TNFRSF8: variants seen among roughly 807,000 people sequenced by gnomAD.
The protein encoded by TNFRSF8 is tumor necrosis factor receptor superfamily member 8.
TNFRSF8 carries 26 observed loss-of-function variants against 70.8 expected under a neutral mutation model. The observed-to-expected ratio is 0.37, with a 90% CI of 0.27 to 0.51. The LOEUF is 0.51. Among genes scored for constraint, TNFRSF8 ranks in the 20% least tolerant of loss-of-function variants. The pLI, the probability that TNFRSF8 is intolerant of heterozygous loss-of-function variation, is 0.94. For synonymous variants in TNFRSF8, 356 were observed against 339.2 expected (o/e 1.05, Z -0.54); for missense variants, 720 against 807.9 (o/e 0.89, Z 1.32).
intron 9 of TNFRSF8, 24 bp from the exon 10 acceptor site, chr1:12,123,691 C>T (rs375406660): frequency 5.8e-6 from 9 of 1,541,188 alleles, no homozygotes; most frequent in Admixed American, 2.0e-5. Context: ...CTTCATCACT[C>T]CTGCCTTGGG....
intron 1 of TNFRSF8, among the ~76,000 whole-genome samples, chr1:12,068,120 T>C (rs570056664): frequency 1.3e-5 from 2 of 152,288 alleles, no homozygotes; most frequent in South Asian, 4.1e-4. Context: ...CTTGAGCAGA[T>C]TGTGATTCAT....
In TNFRSF8 at chr1:12,142,592, A is replaced by G; in HGVS notation, c.*61A>G. 1 of 1,525,658 alleles carries G rather than the reference A, an allele frequency of 6.6e-7. No homozygotes were observed. Among genetic ancestry groups the G allele is most frequent in the Non-Finnish European group, 8.8e-7 (1 of 1,133,194 alleles). 94.5% of individuals were successfully genotyped at this position (1,525,658 alleles called of 1,614,324 possible). On this transcript the variant is annotated 3_prime_UTR_variant, in exon 15 of 15. Transcript: ENST00000263932. This position sits in a 1 kb window ranked among gnomAD's most constrained non-coding sequence, Gnocchi z 5.0. ...GTGGCCTCTGGGAGGCCAGGATGGC[A>G]CTGTTGGCACCGAGGTTGGGGGCAG...
At chr1:12,082,601 A>G (rs1221756396) in intron 1 of TNFRSF8, among the ~76,000 whole-genome samples, 1 of 151,902 alleles carries the variant, frequency 6.6e-6, no homozygotes, top group African/African-American at 2.4e-5. Flanking sequence ...AAAAACCCAC[A>G]AAACAAAAAC....
At chr1:12,117,528 A>G (rs1641755212) in intron 8 of TNFRSF8, among the ~76,000 whole-genome samples, 1 of 152,126 alleles carries the variant, frequency 6.6e-6, no homozygotes, top group Admixed American at 6.5e-5. Context: ...ACACCCCATC[A>G]CCCTGAAATG....
chr1:12,143,428 C>T lies in TNFRSF8; in HGVS notation c.*897C>T, dbSNP rs546387260. 13 of 152,362 alleles carry T rather than the reference C, an allele frequency of 8.5e-5. No homozygotes were observed. Among genetic ancestry groups the T allele is most frequent in the South Asian group, 4.2e-4 (2 of 4,814 alleles). 9.4% of individuals were successfully genotyped at this position (152,362 alleles called of 1,614,324 possible). A position where few individuals can be genotyped will look rare whatever the true frequency, so the allele number is the denominator to read the frequency against. ...TCGGGCCCTGCCTGGAGTCCTTGAC[C>T]GCTCTCTGTGGGCCCCACCCACTCT... is the stretch of plus-strand genomic sequence containing the variant. On this transcript the variant is annotated 3_prime_UTR_variant, in exon 15 of 15. Coordinates refer to ENST00000263932, the MANE Select transcript of TNFRSF8 (RefSeq NM_001243.5). The surrounding 1 kb of genome is among the most constrained non-coding windows in gnomAD (Gnocchi z 4.1).
intron 8 of TNFRSF8, among the ~76,000 whole-genome samples, chr1:12,121,156 C>T (rs1440997726): frequency 6.6e-6 from 1 of 152,174 alleles, no homozygotes; most frequent in Admixed American, 6.5e-5. Context: ...TACTGATTAA[C>T]GAGCATGTAG....
intron 7 of TNFRSF8, among the ~76,000 whole-genome samples, chr1:12,114,315 A>C (rs780946580): frequency 6.6e-6 from 1 of 152,212 alleles, no homozygotes; most frequent in Non-Finnish European, 1.5e-5. Context: ...CTACTGTCTC[A>C]CACATACTCA....
Position 12,108,015 on chromosome 1 carries a change from T to C in TNFRSF8, c.422-1551T>C, listed in dbSNP as rs919637709. On this transcript the variant is annotated intron_variant, in intron 4 of 14. Coordinates refer to ENST00000263932, the MANE Select transcript of TNFRSF8 (RefSeq NM_001243.5). This position sits in a 1 kb window ranked among gnomAD's most constrained non-coding sequence, Gnocchi z 4.0. ...TGCCACAGAACACGAGAGGTCAGCA[T>C]TGCTCGCGCTCACCTCCACGGAAAG... Among the ~76,000 whole-genome samples the C allele has an allele frequency of 1.3e-5, 2 of 151,818 alleles. No individual in the cohort carries two copies. Among genetic ancestry groups the C allele is most frequent in the Non-Finnish European group, 2.9e-5 (2 of 67,962 alleles).
At chr1:12,111,702 C>A (rs1345709369) in intron 6 of TNFRSF8, among the ~76,000 whole-genome samples, 196 bp from the exon 7 acceptor site, 1 of 152,130 alleles carries the variant, frequency 6.6e-6, no homozygotes, top group Non-Finnish European at 1.5e-5. Flanking sequence ...GCAATGAGTA[C>A]CCTCCTCTCG....
chr1:12,089,494 C>T (rs1641210289), intron 2 of TNFRSF8, among the ~76,000 whole-genome samples: 1 of 152,106 alleles, frequency 6.6e-6, no homozygotes, highest in South Asian at 2.1e-4. Context: ...TTCTTTAAGC[C>T]TGAAAAATCC....
intron 14 of TNFRSF8, among the ~76,000 whole-genome samples, chr1:12,140,894 C>G (rs1174924624): frequency 1.3e-5 from 2 of 152,020 alleles, no homozygotes; most frequent in Non-Finnish European, 2.9e-5. Flanking sequence ...CTCTCACCAC[C>G]CCCGGCCCCC....
chr1:12,104,418 C>T lies in TNFRSF8; in HGVS notation c.308C>T (p.Ser103Phe). 1 of 1,614,144 alleles carries T rather than the reference C, an allele frequency of 6.2e-7. No homozygotes were observed. The highest frequency in any genetic ancestry group is 8.5e-7 in the Non-Finnish European group (1 of 1,180,026). ...VEKTPCAWNS[S>F]RVCECRPGMF... Reference sequence around the variant, plus strand: ...AAGACGCCGTGTGCATGGAACTCCTCCCGTGTCTGCGAATGTCGACCCGGC... The same window carrying T: ...AAGACGCCGTGTGCATGGAACTCCTTCCGTGTCTGCGAATGTCGACCCGGC... The change falls in exon 4 of 15, where the codon TCC becomes TTC. Residue 103 changes from serine (S) to phenylalanine (F), a missense_variant. Transcript: ENST00000263932.
chr1:12,123,648 A>C, intron 9 of TNFRSF8, 67 bp from the exon 10 acceptor site: 1 of 1,353,766 alleles, frequency 7.4e-7, no homozygotes, highest in Non-Finnish European at 1.0e-6. Flanking sequence ...GAGAAAGGGA[A>C]TTATTCCTGA....
chr1:12,124,881 AC>A (rs1641906605), intron 10 of TNFRSF8, among the ~76,000 whole-genome samples: 1 of 149,342 alleles, frequency 6.7e-6, no homozygotes, highest in Non-Finnish European at 1.5e-5. Context: ...AACAAAACAA[AC>A]AAAACCCCCA....
Position 12,134,691 on chromosome 1 carries a change from G to A in TNFRSF8, c.1310-897G>A, listed in dbSNP as rs185842003. ...CAGGCACAAGAAAGAGAAAATCGAAGTCCAGCTGGAGTCAGAAGGGCTCCA... is the reference window on the plus strand; with the variant it reads ...CAGGCACAAGAAAGAGAAAATCGAAATCCAGCTGGAGTCAGAAGGGCTCCA... On this transcript the variant is annotated intron_variant, in intron 12 of 14. Transcript: ENST00000263932. Among the ~76,000 whole-genome samples the A allele has an allele frequency of 5.3e-5, 8 of 152,342 alleles. No homozygotes were observed. In the East Asian group the frequency reaches 1.5e-3, roughly 29 times the overall value.
intron 1 of TNFRSF8, among the ~76,000 whole-genome samples, chr1:12,076,004 A>T (rs564776849): frequency 7.2e-5 from 11 of 152,040 alleles, no homozygotes; most frequent in African/African-American, 2.7e-4. Context: ...AAAAGCTCCC[A>T]TCCCAGAACC....
chr1:12,135,656 A>G, intron 13 of TNFRSF8, 43 bp downstream of exon 13: 1 of 1,611,436 alleles, frequency 6.2e-7, no homozygotes, highest in Admixed American at 1.7e-5. Flanking sequence ...TCGTGCCCCT[A>G]AATCTGACTC....
intron 8 of TNFRSF8, 51 bp downstream of exon 8, chr1:12,115,780 C>T (rs768879885): frequency 1.6e-5 from 26 of 1,591,322 alleles, no homozygotes; most frequent in Admixed American, 1.7e-5. Flanking sequence ...TCTGTGCCCC[C>T]ACTGTTGTGC....
intron 1 of TNFRSF8, among the ~76,000 whole-genome samples, chr1:12,064,882 AG>A (rs1640710380): frequency 6.6e-6 from 1 of 151,828 alleles, no homozygotes; most frequent in Admixed American, 6.6e-5. Context: ...GGTCTTGGGG[AG>A]ATGAAGGGAA....
Sources: allele counts gnomAD v4.1 joint callset (sites outside exome capture counted in the v4.1 genomes callset), GRCh38; gene constraint gnomAD v4.1.1; non-coding constraint Gnocchi (gnomAD v3.1); transcripts MANE v1.5; gene names NCBI Gene and HGNC (gene_info 2026-07-23, HGNC 2026-07-21).